The following ADAM10 variants were observed in gnomAD, a reference collection of about 807,000 sequenced individuals.
The protein encoded by ADAM10 is ADAM metallopeptidase domain 10.
A neutral mutation model predicts 90.1 loss-of-function variants in ADAM10; 17 were observed. The ratio of observed to expected loss-of-function variants is 0.19; its 90% CI spans 0.13 to 0.28. ADAM10 has a LOEUF of 0.28. Ranked by LOEUF, ADAM10 falls within the 10% of genes least tolerant of loss-of-function variation. The pLI is 1.00. For synonymous variants in ADAM10, 310 were observed against 298.6 expected, an observed-to-expected ratio of 1.04 and a Z score of -0.40; for missense variants, 610 against 914.3, an observed-to-expected ratio of 0.67 and a Z score of 4.29.
intron 1 of ADAM10, among the ~76,000 whole-genome samples, chr15:58,739,862 G>C (rs1381867396): frequency 6.6e-6 from 1 of 152,158 alleles, no homozygotes. Context: ...TACCATGAAG[G>C]CTGCTTCACT....
Position 58,725,756 on chromosome 15 carries a change from G to A in ADAM10, c.56-8029C>T, listed in dbSNP as rs139231914. On this transcript the variant is annotated intron_variant, in intron 1 of 15. Transcript: ENST00000260408. ...CTATGTTAAGTCAGAAGAAAATGCA[G>A]CCACATATTTAAAGTACTACAAGAA... 6.0e-4 allele frequency among the ~76,000 whole-genome samples: 91 copies of A among 152,050 alleles called. 1 individual carries two copies. Among genetic ancestry groups the A allele is most frequent in the African/African-American group, 2.2e-3 (90 of 41,532 alleles).
chr15:58,691,168 G>A (rs749748056), intron 2 of ADAM10: 8 of 708,822 alleles, frequency 1.1e-5, no homozygotes, highest in Admixed American at 5.3e-5. Context: ...ATTGTCACCC[G>A]CTCAACCTTC....
chr15:58,618,297 G>A (rs1275668752), intron 11 of ADAM10, among the ~76,000 whole-genome samples: 2 of 152,148 alleles, frequency 1.3e-5, no homozygotes, highest in Admixed American at 6.5e-5. Flanking sequence ...AATAAGTGGT[G>A]ATGGGAAAAC....
At position 58,593,683 on chromosome 15, in the gene ADAM10, T is replaced by G. The variant is rs1566960359; in HGVS notation, c.*3864A>C. 6.6e-6 allele frequency: 1 copy of G among 152,180 alleles called. No individual in the cohort carries two copies. Among genetic ancestry groups the G allele is most frequent in the Non-Finnish European group, 1.5e-5 (1 of 68,032 alleles). The allele number at this position is 152,180 out of a possible 1,614,324, so 9.4% of individuals were successfully genotyped here. A position where few individuals can be genotyped will look rare whatever the true frequency, so the allele number is the denominator to read the frequency against. Reference sequence around the variant, plus strand: ...TTGGATTACCCCACACCCTATCACTTTAGTGTAGATTTCAGGAAAAAGCAA... The same window carrying G: ...TTGGATTACCCCACACCCTATCACTGTAGTGTAGATTTCAGGAAAAAGCAA... On this transcript the variant is annotated 3_prime_UTR_variant, in exon 16 of 16. Coordinates refer to ENST00000260408, the MANE Select transcript of ADAM10 (RefSeq NM_001110.4).
chr15:58,718,554 CTAAT>C (rs1253704156), intron 1 of ADAM10, among the ~76,000 whole-genome samples: 1 of 152,258 alleles, frequency 6.6e-6, no homozygotes, highest in Non-Finnish European at 1.5e-5. Flanking sequence ...CAGTCTGGGG[CTAAT>C]TATTTCCCAC....
chr15:58,684,310 C>G (rs1897528308), intron 2 of ADAM10, among the ~76,000 whole-genome samples: 1 of 152,174 alleles, frequency 6.6e-6, no homozygotes, highest in South Asian at 2.1e-4. Flanking sequence ...ATAGGTGTCT[C>G]TTCACTCATT....
chr15:58,707,129 T>G (rs377431643), intron 2 of ADAM10, among the ~76,000 whole-genome samples: 1 of 149,682 alleles, frequency 6.7e-6, no homozygotes, highest in Non-Finnish European at 1.5e-5. Flanking sequence ...ACGCCTGTAA[T>G]CCCAGCACTC....
intron 2 of ADAM10, among the ~76,000 whole-genome samples, chr15:58,700,841 C>G (rs1222571647): frequency 6.6e-6 from 1 of 151,248 alleles, no homozygotes; most frequent in East Asian, 1.9e-4. Flanking sequence ...ATAGCAAGAC[C>G]CCATCCCTAA....
intron 14 of ADAM10, among the ~76,000 whole-genome samples, chr15:58,600,000 A>G (rs1290190513): frequency 6.6e-6 from 1 of 152,158 alleles, no homozygotes; most frequent in Non-Finnish European, 1.5e-5. Context: ...ATATAACAAC[A>G]TTTGTCATAC....
intron 2 of ADAM10, chr15:58,693,140 C>T (rs1332585418): frequency 1.4e-6 from 1 of 736,870 alleles, no homozygotes; most frequent in Non-Finnish European, 2.6e-6. Context: ...TGGGCAATTT[C>T]TGCCTAAAAG....
intron 2 of ADAM10, among the ~76,000 whole-genome samples, chr15:58,705,128 TC>T (rs1371304333): frequency 1.3e-5 from 2 of 152,238 alleles, no homozygotes; most frequent in African/African-American, 2.4e-5. Flanking sequence ...TGAGCCACTT[TC>T]AAGACTATGG....
intron 1 of ADAM10, among the ~76,000 whole-genome samples, chr15:58,742,922 GGTGGCGT>G (rs1332929950): frequency 2.6e-5 from 4 of 152,266 alleles, no homozygotes; most frequent in Admixed American, 2.0e-4. Flanking sequence ...AACCAGGCAT[GGTGGCGT>G]GTGCCTGTGG....
At chr15:58,739,528 T>A (rs1899536165) in intron 1 of ADAM10, among the ~76,000 whole-genome samples, 1 of 151,552 alleles carries the variant, frequency 6.6e-6, no homozygotes, top group Non-Finnish European at 1.5e-5. Context: ...AAAAAATAAA[T>A]AAATAAATAA....
At chr15:58,694,468 A>C (rs559790096) in intron 2 of ADAM10, among the ~76,000 whole-genome samples, 1 of 152,240 alleles carries the variant, frequency 6.6e-6, no homozygotes, top group Non-Finnish European at 1.5e-5. Flanking sequence ...AAACAAAAAC[A>C]AACAAGGCCA....
At chr15:58,704,171 A>C (rs1413285779) in intron 2 of ADAM10, 2 of 152,250 alleles carry the variant, frequency 1.3e-5, no homozygotes, top group Non-Finnish European at 2.9e-5. Flanking sequence ...AGTTCTTTCT[A>C]GCAATGTGAG....
chr15:58,691,383 T>A, intron 2 of ADAM10: 2 of 834,464 alleles, frequency 2.4e-6, no homozygotes, highest in East Asian at 2.5e-5. Flanking sequence ...GAAGCCCTTC[T>A]TCCACTCTTG....
At chr15:58,716,920 G>T (rs1376334561) in intron 2 of ADAM10, among the ~76,000 whole-genome samples, 1 of 152,006 alleles carries the variant, frequency 6.6e-6, no homozygotes, top group Non-Finnish European at 1.5e-5. Flanking sequence ...GGGGTGTTCA[G>T]CCAGGTCTCG....
intron 1 of ADAM10, among the ~76,000 whole-genome samples, chr15:58,723,868 T>C (rs1332263659): frequency 2.6e-5 from 4 of 151,904 alleles, no homozygotes; most frequent in African/African-American, 7.3e-5. Context: ...AAGAATCCAA[T>C]TGAGAAGAAA....
At chr15:58,725,040 C>G (rs558951807) in intron 1 of ADAM10, among the ~76,000 whole-genome samples, 1 of 151,554 alleles carries the variant, frequency 6.6e-6, no homozygotes, top group African/African-American at 2.4e-5. Context: ...AATATAAAAA[C>G]TAGCTGGGCA....
Sources: allele counts gnomAD v4.1 joint callset (sites outside exome capture counted in the v4.1 genomes callset), GRCh38; gene constraint gnomAD v4.1.1; transcripts MANE v1.5; gene names NCBI Gene and HGNC (gene_info 2026-07-23, HGNC 2026-07-21).